Variants in IMMP2L observed in about 807,000 individuals in gnomAD.
IMMP2L encodes the protein mitochondrial inner membrane protease subunit 2.
A neutral mutation model predicts 19.3 loss-of-function variants in IMMP2L; 18 were observed. The observed-to-expected ratio is 0.93, with a 90% CI of 0.64 to 1.38. The LOEUF is 1.38. Ranked by LOEUF, IMMP2L falls within the 40% of genes most tolerant of loss-of-function variation. IMMP2L has a pLI of 0.00. For missense variants in IMMP2L, 233 were observed against 218.2 expected (o/e 1.07, Z -0.43); for synonymous variants, 76 against 73.0 (o/e 1.04, Z -0.21).
intron 3 of IMMP2L, among the ~76,000 whole-genome samples, chr7:111,367,190 G>T (rs984612620): frequency 2.0e-5 from 3 of 151,420 alleles, no homozygotes; most frequent in African/African-American, 7.3e-5. Flanking sequence ...ATATTCCTGT[G>T]TGGGTAAAAT....
intron 5 of IMMP2L, among the ~76,000 whole-genome samples, chr7:110,874,491 T>C (rs1031089249): frequency 6.6e-6 from 1 of 152,036 alleles, no homozygotes; most frequent in Non-Finnish European, 1.5e-5. Flanking sequence ...GAGAAGAATA[T>C]AATAAAATTT....
At chr7:111,332,580 G>A (rs1282998099) in intron 3 of IMMP2L, among the ~76,000 whole-genome samples, 1 of 151,704 alleles carries the variant, frequency 6.6e-6, no homozygotes, top group Non-Finnish European at 1.5e-5. Flanking sequence ...ACTAATAATA[G>A]GAGATTTTAA....
rs145889864 is a variant in IMMP2L, at chr7:110,924,725, T to C, written c.306-38030A>G. On this transcript the variant is annotated intron_variant, in intron 4 of 5. Transcript: ENST00000405709. This position sits in a 1 kb window ranked among gnomAD's most constrained non-coding sequence, Gnocchi z 4.2. ...TGGCCTCATTTCTTCTTTCAGTGCT[T>C]TGGAAGGTACAGGAACAGCATTTCC... is the stretch of plus-strand genomic sequence containing the variant. Among the ~76,000 whole-genome samples the C allele has an allele frequency of 3.2e-4, 49 of 152,214 alleles. No homozygotes were observed. Among genetic ancestry groups the C allele is most frequent in the African/African-American group, 1.1e-3 (45 of 41,540 alleles).
intron 2 of IMMP2L, among the ~76,000 whole-genome samples, chr7:111,517,210 G>A (rs887202036): frequency 6.6e-6 from 1 of 151,964 alleles, no homozygotes; most frequent in Non-Finnish European, 1.5e-5. Context: ...GTAGCTGAAA[G>A]TCAAGACAAT....
intron 3 of IMMP2L, among the ~76,000 whole-genome samples, chr7:110,988,627 C>CA (rs755215119): frequency 1.1e-4 from 16 of 151,146 alleles, no homozygotes; most frequent in African/African-American, 2.9e-4. Context: ...AGTAAGGCAG[C>CA]AAAAAAAACC....
intron 3 of IMMP2L, among the ~76,000 whole-genome samples, chr7:111,144,883 T>A (rs1333731050): frequency 6.6e-6 from 1 of 152,102 alleles, no homozygotes; most frequent in Non-Finnish European, 1.5e-5. Flanking sequence ...AATATATAAA[T>A]ACAAACTGTG....
chr7:111,299,776 C>T (rs1392126373), intron 3 of IMMP2L, among the ~76,000 whole-genome samples: 1 of 151,542 alleles, frequency 6.6e-6, no homozygotes, highest in Non-Finnish European at 1.5e-5. Context: ...AGCTACCATG[C>T]AAAGATACTT....
intron 3 of IMMP2L, among the ~76,000 whole-genome samples, chr7:111,074,191 C>T (rs968965452): frequency 6.6e-6 from 1 of 152,106 alleles, no homozygotes; most frequent in African/African-American, 2.4e-5. Flanking sequence ...AATGACCTAC[C>T]CAAACTAATA....
chr7:111,480,091 T>C (rs988661803), intron 3 of IMMP2L, among the ~76,000 whole-genome samples: 2 of 151,852 alleles, frequency 1.3e-5, no homozygotes, highest in Admixed American at 6.6e-5. Flanking sequence ...CCAACTTTTT[T>C]TTTTTTTTTT....
At chr7:110,955,359 T>G (rs1818260059) in intron 4 of IMMP2L, among the ~76,000 whole-genome samples, 2 of 151,870 alleles carry the variant, frequency 1.3e-5, no homozygotes, top group Admixed American at 1.3e-4. Context: ...AGAATATCCA[T>G]AATACACTAA....
chr7:110,736,997 G>A lies in IMMP2L; in HGVS notation c.409-73276C>T, dbSNP rs1796676065. ...GATCAGGGGCGGAATGCTACGGTTT[G>A]AATGTTTGTGGCAGTCCAAAATTCA... On this transcript the variant is annotated intron_variant, in intron 5 of 5. Transcript: ENST00000405709. Among the ~76,000 whole-genome samples, 4 of 152,164 alleles carry A rather than the reference G, an allele frequency of 2.6e-5. 1 individual carries two copies. In the South Asian group the frequency reaches 8.3e-4, roughly 32 times the overall value.
At chr7:111,401,645 G>A (rs534587500) in intron 3 of IMMP2L, among the ~76,000 whole-genome samples, 1 of 152,076 alleles carries the variant, frequency 6.6e-6, no homozygotes, top group Non-Finnish European at 1.5e-5. Context: ...TACTACTTCT[G>A]TTCAAGAGGT....
At chr7:110,863,459 T>A (rs2190527) in intron 5 of IMMP2L, among the ~76,000 whole-genome samples, 1 of 151,436 alleles carries the variant, frequency 6.6e-6, no homozygotes, top group Non-Finnish European at 1.5e-5. Flanking sequence ...CCCTAACTTA[T>A]AAAGGTTTGA....
intron 5 of IMMP2L, among the ~76,000 whole-genome samples, chr7:110,801,229 A>G (rs923791239): frequency 1.3e-5 from 2 of 152,028 alleles, no homozygotes; most frequent in African/African-American, 4.8e-5. Context: ...TGCACCTGCT[A>G]TCTGTTATTT....
chr7:111,013,284 A>C (rs1312104352), intron 3 of IMMP2L, among the ~76,000 whole-genome samples: 1 of 152,170 alleles, frequency 6.6e-6, no homozygotes, highest in Non-Finnish European at 1.5e-5. Flanking sequence ...ACATGAGCAA[A>C]TCATATTTTA....
chr7:111,281,206 GAAAGAAAGAAAAAGAAAGAAAGAA>G (rs1819787149), intron 3 of IMMP2L, among the ~76,000 whole-genome samples: 1 of 40,352 alleles, frequency 2.5e-5, no homozygotes, highest in Non-Finnish European at 5.5e-5. Context: ...AAGAAAGAAA[GAAAGAAAGAAAAAGAAAGAAAGAA>G]AGAAAGAAAG....
intron 3 of IMMP2L, among the ~76,000 whole-genome samples, chr7:111,046,845 G>A (rs1316018622): frequency 4.6e-5 from 7 of 152,034 alleles, no homozygotes; most frequent in African/African-American, 7.3e-5. Flanking sequence ...TTTCATTCAC[G>A]GAGCAATGAC....
At chr7:111,445,538 T>G (rs7807396) in intron 3 of IMMP2L, among the ~76,000 whole-genome samples, 33,681 of 152,006 alleles carry the variant, frequency 0.22, 5,363 homozygotes, top group African/African-American at 0.45. Context: ...AACGAAACTT[T>G]AAAGGACTAA....
intron 1 of IMMP2L, among the ~76,000 whole-genome samples, chr7:111,522,950 A>G (rs776182250): frequency 1.1e-4 from 13 of 116,026 alleles, no homozygotes; most frequent in Admixed American, 2.4e-4. Context: ...ATTTCACCAT[A>G]AAAAAAGAAT....
Sources: gnomAD v4.1 joint callset for allele counts (sites outside exome capture counted in the v4.1 genomes callset) on GRCh38, gnomAD v4.1.1 for gene constraint, Gnocchi (gnomAD v3.1) non-coding constraint, MANE v1.5 for transcripts, NCBI Gene and HGNC (gene_info 2026-07-23, HGNC 2026-07-21) for gene names.